The following TNRC6B variants were observed in gnomAD, a reference collection of about 807,000 sequenced individuals.
TNRC6B encodes the protein trinucleotide repeat containing adaptor 6B.
A neutral mutation model predicts 203.6 loss-of-function variants in TNRC6B; 52 were observed. The ratio of observed to expected loss-of-function variants is 0.26; its 90% confidence interval spans 0.20 to 0.32. The LOEUF is 0.32. Among genes scored for constraint, TNRC6B ranks in the 10% least tolerant of loss-of-function variants. The pLI is 1.00. For synonymous variants in TNRC6B, 838 were observed against 845.7 expected, an observed-to-expected ratio of 0.99 and a Z score of 0.16; for missense variants, 1,923 against 2,286.2, an observed-to-expected ratio of 0.84 and a Z score of 3.24.
intron 1 of TNRC6B, among the ~76,000 whole-genome samples, chr22:40,052,039 A>G (rs2067750225): frequency 6.6e-6 from 1 of 152,196 alleles, no homozygotes; most frequent in Non-Finnish European, 1.5e-5. Context: ...TGCTCTCCAC[A>G]TAGTTGAAGG....
At chr22:40,276,422 C>T (rs140364667) in intron 7 of TNRC6B, among the ~76,000 whole-genome samples, 35 of 152,228 alleles carry the variant, frequency 2.3e-4, no homozygotes, top group African/African-American at 8.4e-4. Context: ...CCCACCCAGT[C>T]CTCTTCATAG....
chr22:40,201,434 T>C lies in TNRC6B; in HGVS notation c.5+23294T>C, dbSNP rs1362400369. On this transcript the variant is annotated intron_variant, in intron 1 of 22. Transcript: ENST00000454349. ...TGTTTGGTGCATTTTCTTTTTCTTT[T>C]TCTTTTTTGTTTTTTTTTTGAGACA... Among the ~76,000 whole-genome samples, 4 of 151,826 alleles carry C rather than the reference T, an allele frequency of 2.6e-5. No homozygotes were observed. In the East Asian group the frequency reaches 7.7e-4, roughly 29 times the overall value.
intron 1 of TNRC6B, among the ~76,000 whole-genome samples, chr22:40,234,368 TTAA>T (rs752309386): frequency 1.2e-4 from 19 of 152,234 alleles, no homozygotes; most frequent in Non-Finnish European, 2.5e-4. Flanking sequence ...ATGCTTGATA[TTAA>T]TGAGATTTTA....
intron 1 of TNRC6B, among the ~76,000 whole-genome samples, chr22:40,239,500 T>G (rs2069997773): frequency 1.3e-5 from 2 of 152,218 alleles, no homozygotes; most frequent in Non-Finnish European, 2.9e-5. Flanking sequence ...CTGGGGATGG[T>G]GCTGTTGAAG....
At chr22:40,148,097 G>A (rs1280467795) in intron 3 of TNRC6B, among the ~76,000 whole-genome samples, 2 of 152,076 alleles carry the variant, frequency 1.3e-5, no homozygotes, top group Non-Finnish European at 2.9e-5. Context: ...CACTACCAGA[G>A]AACAGATAGC....
At chr22:40,276,289 G>GT (rs915396520) in intron 7 of TNRC6B, among the ~76,000 whole-genome samples, 5 of 151,606 alleles carry the variant, frequency 3.3e-5, no homozygotes, top group African/African-American at 9.7e-5. Flanking sequence ...AAAGCTTGCA[G>GT]TGAGTTGGGA....
chr22:40,236,246 C>T (rs2069945907), intron 1 of TNRC6B, among the ~76,000 whole-genome samples: 1 of 152,144 alleles, frequency 6.6e-6, no homozygotes, highest in Non-Finnish European at 1.5e-5. Context: ...CTAGTGTCAC[C>T]ATTTTTTATA....
At chr22:40,207,990 T>C (rs1390650079) in intron 1 of TNRC6B, among the ~76,000 whole-genome samples, 1 of 151,474 alleles carries the variant, frequency 6.6e-6, no homozygotes, top group East Asian at 1.9e-4. Context: ...GGCGGGCGCC[T>C]GTAGTCCCAG....
rs1569045198 is a variant in TNRC6B at position 40,266,138 on chromosome 22, T to C, written c.1908T>C (p.Ile636=). 1 of 1,613,784 alleles carries C rather than the reference T, an allele frequency of 6.2e-7. No individual in the cohort carries two copies. The highest frequency in any genetic ancestry group is 8.5e-7 in the Non-Finnish European group (1 of 1,179,852). The change falls in exon 5 of 23, where the codon ATT becomes ATC. Residue 636 remains isoleucine, a synonymous_variant. Coordinates refer to ENST00000454349, the MANE Select transcript of TNRC6B (RefSeq NM_001162501.2). ...TQIKQDTVWD[I]EEVPRPEGKS... is the part of the protein sequence containing the mutation. ...TTAAGCAGGACACAGTGTGGGACAT[T>C]GAAGAGGTGCCAAGGCCTGAGGGGA...
rs1444167391 is a variant in TNRC6B, at chr22:40,170,916, T to G, written c.113+14734T>G. Among the ~76,000 whole-genome samples, 28 of 143,262 alleles carry G rather than the reference T, an allele frequency of 2.0e-4. 1 individual carries two copies. Among genetic ancestry groups the G allele is most frequent in the South Asian group, 8.6e-4 (4 of 4,628 alleles). 94.0% of individuals were successfully genotyped at this position (143,262 alleles called of 152,430 possible). ...ATATACCTATATATGTGCATATATG[T>G]GTGTATATATACACCCATATATGTA... is the stretch of plus-strand genomic sequence containing the variant. On this transcript the variant is annotated intron_variant, in intron 4 of 23. Coordinates refer to the TNRC6B transcript ENST00000301923.
At chr22:40,252,438 T>C (rs577055572) in intron 3 of TNRC6B, among the ~76,000 whole-genome samples, 1 of 152,348 alleles carries the variant, frequency 6.6e-6, no homozygotes, top group South Asian at 2.1e-4. Flanking sequence ...TTGTTTTGTT[T>C]TGTTTTGTTG....
chr22:40,065,629 TG>T (rs1251198144), intron 1 of TNRC6B, among the ~76,000 whole-genome samples: 2 of 152,270 alleles, frequency 1.3e-5, no homozygotes, highest in South Asian at 2.1e-4. Context: ...TGCTAAACTT[TG>T]TAAGTTTTAT....
chr22:40,099,413 T>C (rs551828793), intron 1 of TNRC6B, among the ~76,000 whole-genome samples: 1 of 152,314 alleles, frequency 6.6e-6, no homozygotes, highest in African/African-American at 2.4e-5. Flanking sequence ...ATTTTCCACA[T>C]TGTGGTATGT....
chr22:40,208,643 A>G (rs2069518368), intron 1 of TNRC6B, among the ~76,000 whole-genome samples: 1 of 152,188 alleles, frequency 6.6e-6, no homozygotes, highest in African/African-American at 2.4e-5. Context: ...AGGTGGGATT[A>G]TACAGGGGGC....
At chr22:40,311,543 ATT>A (rs879411389) in intron 17 of TNRC6B, among the ~76,000 whole-genome samples, 8 of 144,250 alleles carry the variant, frequency 5.5e-5, no homozygotes, top group Non-Finnish European at 7.7e-5. Context: ...TTAAGGTAGA[ATT>A]TTTTTTTTTT....
At chr22:40,146,228 AC>A (rs1432597803) in intron 3 of TNRC6B, among the ~76,000 whole-genome samples, 2 of 152,170 alleles carry the variant, frequency 1.3e-5, no homozygotes, top group African/African-American at 4.8e-5. Context: ...AGACAATAAG[AC>A]ACATGAACAA....
At chr22:40,141,012 A>C (rs1378116630) in intron 3 of TNRC6B, among the ~76,000 whole-genome samples, 19 of 152,052 alleles carry the variant, frequency 1.2e-4, no homozygotes, top group Admixed American at 1.2e-3. Context: ...ATGAGGAAAA[A>C]ATTTTAAGAT....
chr22:40,242,436 CT>C (rs907702738), intron 1 of TNRC6B, among the ~76,000 whole-genome samples: 40 of 146,232 alleles, frequency 2.7e-4, no homozygotes, highest in Admixed American at 9.5e-4. Flanking sequence ...TTTTTCTTTT[CT>C]TTTTTTTTTT....
rs143007686 is a variant in TNRC6B at position 40,241,723 on chromosome 22, T to C, written c.6-4292T>C. ...AGGCTTCTCCTTGACGTAATTACTC[T>C]TCTCAACCCTTTATGACAAGTATTT... On this transcript the variant is annotated intron_variant, in intron 1 of 22. Transcript: ENST00000454349. 1.5e-3 allele frequency among the ~76,000 whole-genome samples: 227 copies of C among 152,320 alleles called. 1 individual carries two copies. Among genetic ancestry groups the C allele is most frequent in the African/African-American group, 5.2e-3 (216 of 41,584 alleles).
Sources: allele counts gnomAD v4.1 joint callset (sites outside exome capture counted in the v4.1 genomes callset), GRCh38; gene constraint gnomAD v4.1.1; transcripts MANE v1.5; gene names NCBI Gene and HGNC (gene_info 2026-07-23, HGNC 2026-07-21).